CDH12: variants seen among roughly 807,000 people sequenced by gnomAD.
The protein encoded by CDH12 is cadherin 12.
CDH12 carries 41 observed loss-of-function variants against 74.1 expected under a neutral mutation model. The ratio of observed to expected loss-of-function variants is 0.55; its 90% confidence interval spans 0.43 to 0.72. The LOEUF (loss-of-function observed/expected upper bound fraction) is 0.72, where lower values mean the gene tolerates loss of function less well. Ranked by LOEUF, CDH12 falls within the 30% of genes least tolerant of loss-of-function variation. CDH12 has a pLI of 0.00. For synonymous variants in CDH12, 399 were observed against 355.0 expected, an observed-to-expected ratio of 1.12 and a Z score of -1.39; for missense variants, 945 against 977.2, an observed-to-expected ratio of 0.97 and a Z score of 0.44.
At chr5:22,413,385 T>TA (rs906257148) in intron 2 of CDH12, among the ~76,000 whole-genome samples, 2 of 151,816 alleles carry the variant, frequency 1.3e-5, no homozygotes, top group Non-Finnish European at 2.9e-5. Context: ...CTAAGGAGAA[T>TA]AGTGAGAGAT....
rs115911518 is a variant in CDH12 at position 22,601,822 on chromosome 5, C to T, written c.-522-96458G>A. On this transcript the variant is annotated intron_variant, in intron 1 of 14. Coordinates refer to ENST00000382254, the MANE Select transcript of CDH12 (RefSeq NM_004061.5). ...ATGGGGTGCAAATGCAGGATGATTT[C>T]ACTGCAGTCTCATTTTCACCTTTGA... 5.6e-3 allele frequency among the ~76,000 whole-genome samples: 845 copies of T among 152,094 alleles called. 10 individuals are homozygous for T. The highest frequency in any genetic ancestry group is 0.019 in the African/African-American group (791 of 41,532).
At chr5:21,921,149 G>T (rs1018896894) in intron 6 of CDH12, among the ~76,000 whole-genome samples, 1 of 152,062 alleles carries the variant, frequency 6.6e-6, no homozygotes, top group Non-Finnish European at 1.5e-5. Flanking sequence ...GAAATGTGAG[G>T]ATAAATAAAA....
At chr5:22,083,342 T>C (rs1742864009) in intron 4 of CDH12, among the ~76,000 whole-genome samples, 1 of 152,176 alleles carries the variant, frequency 6.6e-6, no homozygotes. Context: ...ATAACAGTAA[T>C]AACAGTAATT....
chr5:21,901,689 C>T (rs1453543931), intron 6 of CDH12, among the ~76,000 whole-genome samples: 4 of 152,106 alleles, frequency 2.6e-5, no homozygotes, highest in African/African-American at 7.2e-5. Context: ...TTCAACCAGC[C>T]ACCTCCACAT....
rs552989796 is a variant in CDH12, at chr5:22,100,624, T to C, written c.-186-21762A>G. 8.7e-5 allele frequency among the ~76,000 whole-genome samples: 13 copies of C among 149,976 alleles called. No individual in the cohort carries two copies. In the South Asian group the frequency reaches 2.7e-3, roughly 32 times the overall value. ...AAAATCTTACCAGTGTCACTATGGC[T>C]CCTTTATCTACTATATGCCATACAT... On this transcript the variant is annotated intron_variant, in intron 4 of 14. Transcript: ENST00000382254.
At chr5:22,395,222 T>C (rs1742406134) in intron 3 of CDH12, among the ~76,000 whole-genome samples, 1 of 152,010 alleles carries the variant, frequency 6.6e-6, no homozygotes, top group Non-Finnish European at 1.5e-5. Context: ...AGAAGACGTA[T>C]GGAAGAGGAG....
intron 7 of CDH12, among the ~76,000 whole-genome samples, chr5:21,843,518 CTT>C (rs5866528): frequency 4.8e-5 from 7 of 145,048 alleles, no homozygotes; most frequent in Non-Finnish European, 7.6e-5. Context: ...TGTACTGACA[CTT>C]TTTTTTTTTT....
chr5:22,088,880 G>A (rs939054230), intron 4 of CDH12, among the ~76,000 whole-genome samples: 1 of 152,142 alleles, frequency 6.6e-6, no homozygotes, highest in African/African-American at 2.4e-5. Flanking sequence ...AGGCAGTTGT[G>A]AAAGTGTCCC....
intron 1 of CDH12, among the ~76,000 whole-genome samples, chr5:22,531,066 G>A (rs1016600197): frequency 6.6e-6 from 1 of 151,888 alleles, no homozygotes; most frequent in African/African-American, 2.4e-5. Flanking sequence ...GATTTTTTGG[G>A]GAAGAGAACT....
chr5:21,841,251 G>GA (rs1328722526), intron 8 of CDH12, among the ~76,000 whole-genome samples: 1 of 151,042 alleles, frequency 6.6e-6, no homozygotes, highest in African/African-American at 2.4e-5. Context: ...AAAAACACAT[G>GA]AAAAAATGCT....
At chr5:21,896,210 GGAGAGT>G (rs747968638) in intron 6 of CDH12, among the ~76,000 whole-genome samples, 8 of 152,168 alleles carry the variant, frequency 5.3e-5, no homozygotes, top group Non-Finnish European at 8.8e-5. Context: ...AGTCACCGAT[GGAGAGT>G]GAGAGTGAGA....
intron 6 of CDH12, among the ~76,000 whole-genome samples, chr5:21,951,083 G>T (rs1755839480): frequency 6.6e-6 from 1 of 151,248 alleles, no homozygotes; most frequent in African/African-American, 2.4e-5. Flanking sequence ...CAGGGTGCCT[G>T]GCCCAGCTAC....
intron 6 of CDH12, among the ~76,000 whole-genome samples, chr5:21,907,891 T>A (rs547792463): frequency 1.3e-5 from 2 of 152,316 alleles, no homozygotes; most frequent in African/African-American, 4.8e-5. Context: ...AAAATGGACA[T>A]AATAATTGGG....
intron 1 of CDH12, among the ~76,000 whole-genome samples, chr5:22,830,098 T>C (rs1013708271): frequency 6.6e-6 from 1 of 152,194 alleles, no homozygotes; most frequent in Admixed American, 6.6e-5. Flanking sequence ...AATGAATGTC[T>C]TCCTCAGGCG....
At chr5:22,739,448 A>T (rs1420597130) in intron 1 of CDH12, among the ~76,000 whole-genome samples, 2 of 152,050 alleles carry the variant, frequency 1.3e-5, no homozygotes, top group Non-Finnish European at 2.9e-5. Context: ...TTATCATCTT[A>T]TAAGTAAATA....
intron 9 of CDH12, among the ~76,000 whole-genome samples, chr5:21,805,928 G>T (rs1747403954): frequency 6.6e-6 from 1 of 152,140 alleles, no homozygotes; most frequent in Non-Finnish European, 1.5e-5. Flanking sequence ...TCTCAAAGGG[G>T]AAGAAATGAT....
chr5:22,118,642 C>T (rs1745315678), intron 4 of CDH12, among the ~76,000 whole-genome samples: 1 of 151,986 alleles, frequency 6.6e-6, no homozygotes, highest in Non-Finnish European at 1.5e-5. Flanking sequence ...TCTGCCTTTT[C>T]TGATTCTCCA....
At chr5:21,879,829 G>A (rs16888875) in intron 6 of CDH12, among the ~76,000 whole-genome samples, 112,164 of 152,168 alleles carry the variant, frequency 0.74, 45,605 homozygotes, top group Non-Finnish European at 0.9. Flanking sequence ...AATGAAAAGC[G>A]GTCGACAGCA....
intron 6 of CDH12, among the ~76,000 whole-genome samples, chr5:21,917,737 TA>T (rs1326841375): frequency 6.6e-6 from 1 of 152,148 alleles, no homozygotes; most frequent in Admixed American, 6.6e-5. Context: ...TTAGGCTATT[TA>T]AAAAAACTGT....
Sources: allele counts gnomAD v4.1 joint callset (sites outside exome capture counted in the v4.1 genomes callset), GRCh38; gene constraint gnomAD v4.1.1; transcripts MANE v1.5; gene names NCBI Gene and HGNC (gene_info 2026-07-23, HGNC 2026-07-21).